SLC44A5: variants seen among roughly 807,000 people sequenced by gnomAD.
The protein encoded by SLC44A5 is solute carrier family 44 member 5.
A neutral mutation model predicts 101.8 loss-of-function variants in SLC44A5; 57 were observed. The observed-to-expected ratio is 0.56, with a 90% CI of 0.45 to 0.70. The LOEUF is 0.70. SLC44A5 is among the 30% of genes least tolerant of loss of function. The pLI is 0.00. For missense variants in SLC44A5, 737 were observed against 853.1 expected, an observed-to-expected ratio of 0.86 and a Z score of 1.70; for synonymous variants, 281 against 290.9, an observed-to-expected ratio of 0.97 and a Z score of 0.35.
intron 3 of SLC44A5, among the ~76,000 whole-genome samples, chr1:75,386,741 C>G (rs552071432): frequency 6.6e-6 from 1 of 150,862 alleles, no homozygotes; most frequent in Admixed American, 6.6e-5. Context: ...AAAAAGAGCC[C>G]GCATCGCCAA....
At chr1:75,512,302 G>C (rs1173562011) in intron 2 of SLC44A5, among the ~76,000 whole-genome samples, 3 of 152,098 alleles carry the variant, frequency 2.0e-5, no homozygotes, top group Admixed American at 6.5e-5. Flanking sequence ...AATATTAAAA[G>C]AATCAAGTTT....
At chr1:75,289,982 A>G (rs1279945517) in intron 5 of SLC44A5, among the ~76,000 whole-genome samples, 1 of 152,228 alleles carries the variant, frequency 6.6e-6, no homozygotes, top group Non-Finnish European at 1.5e-5. Context: ...CTGCTTAGTG[A>G]AGCCCCTTCT....
At chr1:75,260,489 T>C (rs1204241671) in intron 6 of SLC44A5, among the ~76,000 whole-genome samples, 10 of 152,010 alleles carry the variant, frequency 6.6e-5, no homozygotes, top group Non-Finnish European at 1.5e-4. Context: ...CCTAAATATA[T>C]ATGCACCCAA....
chr1:75,463,159 C>T (rs560385265), intron 2 of SLC44A5, among the ~76,000 whole-genome samples: 3 of 152,286 alleles, frequency 2.0e-5, no homozygotes, highest in African/African-American at 4.8e-5. Flanking sequence ...CGGTGGCTCA[C>T]GCCTGTAATC....
At chr1:75,534,416 G>A (rs1017010849) in intron 2 of SLC44A5, among the ~76,000 whole-genome samples, 1 of 152,142 alleles carries the variant, frequency 6.6e-6, no homozygotes, top group African/African-American at 2.4e-5. Context: ...CTGAAATTCA[G>A]TACCTACATT....
At chr1:75,370,232 A>G (rs1660137618) in intron 3 of SLC44A5, among the ~76,000 whole-genome samples, 1 of 152,208 alleles carries the variant, frequency 6.6e-6, no homozygotes, top group Non-Finnish European at 1.5e-5. Context: ...TTGTTCCCAT[A>G]TGCTGTAACA....
intron 1 of SLC44A5, among the ~76,000 whole-genome samples, chr1:75,564,518 G>T (rs573348691): frequency 6.6e-6 from 1 of 151,672 alleles, no homozygotes; most frequent in South Asian, 2.1e-4. Context: ...GAATAATCTG[G>T]CTCTTTACCT....
chr1:75,623,196 G>T, the SLC44A5 span, among the ~76,000 whole-genome samples: 1 of 152,094 alleles, frequency 6.6e-6, no homozygotes, highest in Non-Finnish European at 1.5e-5. Context: ...ATTACAAATT[G>T]TTACAAGTTC....
intron 1 of SLC44A5, among the ~76,000 whole-genome samples, chr1:75,592,963 C>G (rs1674433385): frequency 6.6e-6 from 1 of 152,170 alleles, no homozygotes; most frequent in East Asian, 1.9e-4. Flanking sequence ...CCCACAAGCA[C>G]AAGCAACCAA....
intron 2 of SLC44A5, among the ~76,000 whole-genome samples, chr1:75,426,796 C>A (rs1557773191): frequency 6.6e-6 from 1 of 152,210 alleles, no homozygotes; most frequent in African/African-American, 2.4e-5. Flanking sequence ...GGATCCAGGG[C>A]ACAAAGAAGC....
intron 3 of SLC44A5, among the ~76,000 whole-genome samples, chr1:75,349,463 A>G (rs1189780229): frequency 6.6e-6 from 1 of 152,248 alleles, no homozygotes; most frequent in Non-Finnish European, 1.5e-5. Context: ...GATGATGGAG[A>G]CAGGCAATGA....
At chr1:75,311,484 G>T in intron 4 of SLC44A5, 1 of 842,072 alleles carries the variant, frequency 1.2e-6, no homozygotes, top group Non-Finnish European at 1.4e-6. Flanking sequence ...GTCCAGAGTG[G>T]TCTCAGTTCT....
intron 2 of SLC44A5, among the ~76,000 whole-genome samples, chr1:75,528,514 T>C (rs923355520): frequency 6.6e-6 from 1 of 152,186 alleles, no homozygotes; most frequent in Non-Finnish European, 1.5e-5. Flanking sequence ...AAGAATGTTA[T>C]CATTTGTCAA....
At chr1:75,540,860 C>T (rs975226698) in intron 2 of SLC44A5, among the ~76,000 whole-genome samples, 1 of 152,116 alleles carries the variant, frequency 6.6e-6, no homozygotes, top group Non-Finnish European at 1.5e-5. Context: ...TAAGACCTAA[C>T]CTATGCCTGT....
At chr1:75,659,490 AAGGCAGGCAGGCAGGCAGGCAGGCAGGC>A in the SLC44A5 span, among the ~76,000 whole-genome samples, 132 of 42,326 alleles carry the variant, frequency 3.1e-3, 4 homozygotes, top group Middle Eastern at 0.056. Context: ...GGAAGGAAGG[AAGGCAGGCAGGCAGGCAGGCAGGCAGGC>A]AGGCAGGCAG....
chr1:75,339,781 G>T, intron 3 of SLC44A5, 151 bp from the exon 4 acceptor site: 1 of 580,824 alleles, frequency 1.7e-6, no homozygotes, highest in Non-Finnish European at 2.9e-6. Flanking sequence ...AGTATGTCTT[G>T]GTTACAGTTG....
chr1:75,289,463 G>T (rs1653353099), intron 5 of SLC44A5, among the ~76,000 whole-genome samples: 2 of 152,120 alleles, frequency 1.3e-5, no homozygotes, highest in African/African-American at 4.8e-5. Context: ...GTACTATTTG[G>T]TCCATCAAGC....
intron 3 of SLC44A5, among the ~76,000 whole-genome samples, chr1:75,366,733 G>C (rs1042715901): frequency 6.6e-6 from 1 of 151,172 alleles, no homozygotes; most frequent in East Asian, 1.9e-4. Context: ...TTTTCTTTTT[G>C]TTCCTCTAAC....
intron 2 of SLC44A5, among the ~76,000 whole-genome samples, chr1:75,456,989 G>A (rs890873176): frequency 6.6e-6 from 1 of 152,286 alleles, no homozygotes; most frequent in South Asian, 2.1e-4. Context: ...ACACACAGGA[G>A]GAAAATAATA....
Sources: gnomAD v4.1 joint callset for allele counts (sites outside exome capture counted in the v4.1 genomes callset) on GRCh38, gnomAD v4.1.1 for gene constraint, MANE v1.5 for transcripts, NCBI Gene and HGNC (gene_info 2026-07-23, HGNC 2026-07-21) for gene names.